Variants in FSTL5 observed in about 807,000 individuals in gnomAD.
The protein encoded by FSTL5 is follistatin-related protein 5.
A neutral mutation model predicts 89.1 loss-of-function variants in FSTL5; 62 were observed. That is an observed-to-expected ratio of 0.70 (90% CI 0.57 to 0.86). The LOEUF is 0.86. Ranked by LOEUF, FSTL5 falls within the 40% of genes least tolerant of loss-of-function variation. The pLI is 0.00. For missense variants in FSTL5, 1,057 were observed against 1,001.6 expected (o/e 1.06, Z -0.75); for synonymous variants, 383 against 346.2 (o/e 1.11, Z -1.18).
At chr4:162,044,058 T>A (rs1401400510) in intron 2 of FSTL5, among the ~76,000 whole-genome samples, 1 of 152,174 alleles carries the variant, frequency 6.6e-6, no homozygotes, top group East Asian at 1.9e-4. Context: ...CTTCCATGAA[T>A]CATGAATGTT....
At chr4:162,057,203 C>G (rs933022358) in intron 2 of FSTL5, among the ~76,000 whole-genome samples, 1 of 152,188 alleles carries the variant, frequency 6.6e-6, no homozygotes, top group African/African-American at 2.4e-5. Flanking sequence ...TTCCAGGAAC[C>G]TCATTTCACT....
At chr4:161,734,789 A>G (rs1333207702) in intron 6 of FSTL5, among the ~76,000 whole-genome samples, 1 of 152,176 alleles carries the variant, frequency 6.6e-6, no homozygotes, top group Non-Finnish European at 1.5e-5. Flanking sequence ...TCATGCACCA[A>G]GAGAGCAAGC....
At chr4:161,539,327 C>T (rs1731740993) in intron 9 of FSTL5, among the ~76,000 whole-genome samples, 1 of 151,860 alleles carries the variant, frequency 6.6e-6, no homozygotes, top group South Asian at 2.1e-4. Flanking sequence ...TTTGGGAAAA[C>T]AAGGGTAGAA....
chr4:161,485,174 G>C (rs1729635321), intron 12 of FSTL5, among the ~76,000 whole-genome samples: 1 of 152,128 alleles, frequency 6.6e-6, no homozygotes, highest in Non-Finnish European at 1.5e-5. Context: ...CTGGCCATTT[G>C]CAGAAAAAAA....
chr4:161,926,505 T>C (rs1348256593), intron 3 of FSTL5, among the ~76,000 whole-genome samples: 1 of 151,614 alleles, frequency 6.6e-6, no homozygotes, highest in Non-Finnish European at 1.5e-5. Context: ...TTATAATTTC[T>C]GTTTCATGTT....
At chr4:161,795,288 T>TCCC (rs1322914120) in intron 4 of FSTL5, among the ~76,000 whole-genome samples, 1 of 152,046 alleles carries the variant, frequency 6.6e-6, no homozygotes, top group African/African-American at 2.4e-5. Flanking sequence ...TTGTTGTATC[T>TCCC]CCCCCAAATT....
intron 8 of FSTL5, among the ~76,000 whole-genome samples, chr4:161,544,689 C>T (rs568544950): frequency 5.3e-5 from 8 of 151,742 alleles, no homozygotes; most frequent in Admixed American, 3.3e-4. Context: ...ACACTCTAGA[C>T]TAAAAAAAGA....
At chr4:161,961,462 C>A (rs1307381747) in intron 3 of FSTL5, among the ~76,000 whole-genome samples, 1 of 151,830 alleles carries the variant, frequency 6.6e-6, no homozygotes, top group Non-Finnish European at 1.5e-5. Context: ...AACTGGTATA[C>A]TTGGTCCCAA....
chr4:161,629,529 G>C (rs939585287), intron 7 of FSTL5, among the ~76,000 whole-genome samples: 12 of 151,958 alleles, frequency 7.9e-5, no homozygotes, highest in Non-Finnish European at 1.6e-4. Flanking sequence ...TTTTTTAGTA[G>C]AGACAGAGTT....
chr4:161,828,218 C>G (rs945200270), intron 4 of FSTL5, among the ~76,000 whole-genome samples: 7 of 152,166 alleles, frequency 4.6e-5, no homozygotes, highest in African/African-American at 1.7e-4. Flanking sequence ...TTTCCATGAT[C>G]TGGACCTTCA....
chr4:162,108,989 T>C (rs1412153632), intron 2 of FSTL5, among the ~76,000 whole-genome samples: 1 of 152,044 alleles, frequency 6.6e-6, no homozygotes, highest in East Asian at 1.9e-4. Context: ...AAAGTATATG[T>C]CTTGACAAAT....
intron 3 of FSTL5, among the ~76,000 whole-genome samples, chr4:161,977,639 A>AAAAAAAAATAAT (rs1553988132): frequency 1.1e-4 from 11 of 101,238 alleles, no homozygotes; most frequent in African/African-American, 2.5e-4. Flanking sequence ...AAAAAAAAAA[A>AAAAAAAAATAAT]AATAATAATA....
At chr4:161,763,862 C>T (rs1042028154) in intron 5 of FSTL5, among the ~76,000 whole-genome samples, 1 of 152,046 alleles carries the variant, frequency 6.6e-6, no homozygotes, top group East Asian at 1.9e-4. Context: ...TGTACATTTC[C>T]GGGTATTAGA....
At chr4:161,837,401 TA>T (rs1202381817) in intron 4 of FSTL5, among the ~76,000 whole-genome samples, 1 of 152,066 alleles carries the variant, frequency 6.6e-6, no homozygotes, top group Non-Finnish European at 1.5e-5. Flanking sequence ...CTATAAAAGT[TA>T]AATGAAATAA....
chr4:162,021,324 CA>C (rs1310525422), intron 3 of FSTL5, among the ~76,000 whole-genome samples: 3 of 152,112 alleles, frequency 2.0e-5, no homozygotes, highest in African/African-American at 7.2e-5. Flanking sequence ...CAAGTAAAAG[CA>C]GTACAATTAG....
chr4:161,697,023 T>A lies in FSTL5; in HGVS notation c.728-40529A>T, dbSNP rs368646120. ...TGGTGGGAGTGGATATCCTAAATTC[T>A]TTCTTACAAATGCTGCCTAGGAAGC... On this transcript the variant is annotated intron_variant, in intron 6 of 15. Transcript: ENST00000306100. 3.8e-4 allele frequency among the ~76,000 whole-genome samples: 58 copies of A among 152,306 alleles called. No homozygotes were observed. In the East Asian group the frequency reaches 0.011, roughly 28 times the overall value.
chr4:161,670,180 G>T (rs1307041554), intron 6 of FSTL5, among the ~76,000 whole-genome samples: 1 of 152,154 alleles, frequency 6.6e-6, no homozygotes, highest in Non-Finnish European at 1.5e-5. Flanking sequence ...ATTGGGAAGA[G>T]AAATTGCATA....
intron 4 of FSTL5, among the ~76,000 whole-genome samples, chr4:161,903,977 C>T (rs2110803997): frequency 6.6e-6 from 1 of 151,892 alleles, no homozygotes; most frequent in Admixed American, 6.6e-5. Context: ...ACTAGAAAAA[C>T]TCAAGCCTAT....
rs1489199682 is a variant in FSTL5 at position 161,397,989 on chromosome 4, A to T, written c.1842-11540T>A. Among the ~76,000 whole-genome samples, 3 of 152,044 alleles carry T rather than the reference A, an allele frequency of 2.0e-5. No homozygotes were observed. The East Asian group carries it at 5.8e-4, about 29-fold the overall frequency. On this transcript the variant is annotated intron_variant, in intron 15 of 15. Coordinates refer to ENST00000306100, the MANE Select transcript of FSTL5 (RefSeq NM_020116.5). ...TTTCACCATTTAATTAGCAACAACA[A>T]TAAAGTGTGTTAAGATCCAAGACTG...
Sources: gnomAD v4.1 joint callset for allele counts (sites outside exome capture counted in the v4.1 genomes callset) on GRCh38, gnomAD v4.1.1 for gene constraint, MANE v1.5 for transcripts, NCBI Gene and HGNC (gene_info 2026-07-23, HGNC 2026-07-21) for gene names.